Variants in GALNT9 observed in about 807,000 individuals in gnomAD.
The protein encoded by GALNT9 is GalNAc transferase 9.
GALNT9 carries 47 observed loss-of-function variants against 63.1 expected under a neutral mutation model. The ratio of observed to expected loss-of-function variants is 0.75; its 90% confidence interval spans 0.59 to 0.95. The LOEUF (loss-of-function observed/expected upper bound fraction) is 0.95. Ranked by LOEUF, GALNT9 falls within the 40% of genes least tolerant of loss-of-function variation. The probability of loss-of-function intolerance (pLI) is 0.00; values close to 1 mark genes in which losing one functional copy is unlikely to be tolerated. For missense variants in GALNT9, 829 were observed against 874.8 expected (o/e 0.95, Z 0.66); for synonymous variants, 396 against 365.7 (o/e 1.08, Z -0.94).
At chr12:132,271,283 G>C (rs563355402) in intron 2 of GALNT9, among the ~76,000 whole-genome samples, 1 of 152,068 alleles carries the variant, frequency 6.6e-6, no homozygotes, top group Non-Finnish European at 1.5e-5. Context: ...GCTCGAGGGT[G>C]GGGGGAGGAG....
At chr12:132,302,718 A>G (rs1045889831) in intron 1 of GALNT9, among the ~76,000 whole-genome samples, 1 of 152,202 alleles carries the variant, frequency 6.6e-6, no homozygotes, top group Non-Finnish European at 1.5e-5. Context: ...GATCCCCAGG[A>G]AGAGGAGTCG....
chr12:132,199,061 G>A (rs1875779813), intron 9 of GALNT9, 113 bp downstream of exon 9: 2 of 666,644 alleles, frequency 3.0e-6, no homozygotes, highest in Non-Finnish European at 5.2e-6. Context: ...CAGCCCTGGT[G>A]GCCTCAGAAC....
intron 6 of GALNT9, among the ~76,000 whole-genome samples, chr12:132,217,253 C>G (rs1294949048): frequency 1.3e-5 from 2 of 150,204 alleles, no homozygotes; most frequent in African/African-American, 4.9e-5. Flanking sequence ...TCCCACCCAC[C>G]CATCCATCCA....
In GALNT9 at chr12:132,257,684, C is replaced by A. The variant is rs782369805; in HGVS notation, c.959+5G>T. 52 of 1,546,928 alleles carry A rather than the reference C, an allele frequency of 3.4e-5. 1 individual carries two copies. The highest frequency in any genetic ancestry group is 7.9e-5 in the Admixed American group (4 of 50,902). Reference sequence around the variant, plus strand: ...CCGCCCTCGACCCCTGAGGGCGCAGCTCACCTGATGGGTGCTGACTCGTCG... The same window carrying A: ...CCGCCCTCGACCCCTGAGGGCGCAGATCACCTGATGGGTGCTGACTCGTCG... On this transcript the variant is annotated splice_donor_5th_base_variant and intron_variant, in intron 5 of 10. Coordinates refer to ENST00000328957, the MANE Select transcript of GALNT9 (RefSeq NM_001122636.2).
At chr12:132,256,129 T>TTGACTGA (rs1215292241) in intron 5 of GALNT9, among the ~76,000 whole-genome samples, 2 of 152,192 alleles carry the variant, frequency 1.3e-5, no homozygotes, top group African/African-American at 2.4e-5. Flanking sequence ...TTGGCCCATT[T>TTGACTGA]TGACTGATGG....
chr12:132,304,936 GACACGCCCTCACCCAGACACGC>G (rs1881520328), intron 1 of GALNT9, among the ~76,000 whole-genome samples: 1 of 27,532 alleles, frequency 3.6e-5, no homozygotes, highest in Non-Finnish European at 6.5e-5. Flanking sequence ...CCCTCACCCA[GACACGCCCTCACCCAGACACGC>G]CCTCACCCGG....
chr12:132,321,991 G>A (rs1375649757), intron 1 of GALNT9, among the ~76,000 whole-genome samples: 3 of 145,366 alleles, frequency 2.1e-5, no homozygotes, highest in East Asian at 2.1e-4. Flanking sequence ...CCCAAGGGGC[G>A]TCCTCCCCTC....
chr12:132,201,125 T>A lies in GALNT9; in HGVS notation c.1400A>T (p.Glu467Val), dbSNP rs1431529853. The A allele has an allele frequency of 1.2e-6, 2 of 1,612,816 alleles. No individual in the cohort carries two copies. The change falls in exon 8 of 11, where the codon GAG (glutamate) becomes GTG (valine). Residue 467 changes from glutamate (E) to valine (V), a missense_variant and splice_region_variant. Transcript: ENST00000328957. The part of the protein sequence containing the change: ...RVYNNTLTYG[E>V]VRNSKASAYC... ...CGGGGCCCTCGGGGGAGGTGCTACC[T>A]CTCCGTACGTGAGGGTGTTGTTGTA...
At chr12:132,222,819 C>T (rs1877504893) in intron 6 of GALNT9, among the ~76,000 whole-genome samples, 1 of 151,584 alleles carries the variant, frequency 6.6e-6, no homozygotes, top group South Asian at 2.1e-4. Flanking sequence ...CCACACACCA[C>T]ACAACCCACA....
intron 5 of GALNT9, among the ~76,000 whole-genome samples, chr12:132,251,768 AG>A (rs1233330549): frequency 6.6e-6 from 1 of 152,178 alleles, no homozygotes; most frequent in East Asian, 1.9e-4. Context: ...AGTGGTTCTC[AG>A]GTGGGCAGGC....
intron 6 of GALNT9, among the ~76,000 whole-genome samples, chr12:132,214,438 C>T (rs1012361469): frequency 6.6e-6 from 1 of 152,150 alleles, no homozygotes; most frequent in Admixed American, 6.5e-5. Context: ...TAGTGAGCAC[C>T]CCCCCAGCGT....
intron 1 of GALNT9, among the ~76,000 whole-genome samples, chr12:132,324,436 C>A (rs539507043): frequency 2.7e-4 from 41 of 152,114 alleles, no homozygotes; most frequent in Non-Finnish European, 4.4e-4. Flanking sequence ...CTTTGTGCCG[C>A]GCGTGCAAGA....
chr12:132,240,815 C>A, intron 6 of GALNT9: 3 of 420,670 alleles, frequency 7.1e-6, no homozygotes, highest in South Asian at 5.3e-5. Context: ...ACACACCCTT[C>A]CCAAGGCCGT....
intron 4 of GALNT9, among the ~76,000 whole-genome samples, chr12:132,258,599 G>T (rs565424107): frequency 6.6e-6 from 1 of 152,352 alleles, no homozygotes; most frequent in Admixed American, 6.5e-5. Context: ...CTCAGAGGGT[G>T]CGGCAGCTGC....
At chr12:132,259,711 G>T (rs1879291989) in intron 4 of GALNT9, among the ~76,000 whole-genome samples, 1 of 152,224 alleles carries the variant, frequency 6.6e-6, no homozygotes, top group South Asian at 2.1e-4. Flanking sequence ...GTCACATGCA[G>T]TGGGGTGTCC....
chr12:132,318,722 T>G (rs1037502574), intron 1 of GALNT9, among the ~76,000 whole-genome samples: 1 of 152,214 alleles, frequency 6.6e-6, no homozygotes, highest in Admixed American at 6.5e-5. Context: ...GTGGGCCGCC[T>G]GCCCTCCTCT....
At position 132,327,863 on chromosome 12, in the gene GALNT9, C is replaced by T. The variant is rs1466186281; in HGVS notation, c.238+1103G>A. 6.6e-6 allele frequency among the ~76,000 whole-genome samples: 1 copy of T among 151,220 alleles called. No homozygotes were observed. Among genetic ancestry groups the T allele is most frequent in the Non-Finnish European group, 1.5e-5 (1 of 67,820 alleles). ...CCCACCCTCAAGAGAGGGTGTGGCT[C>T]CTGAAGGAAACGCAAGACCACCCCC... On this transcript the variant is annotated intron_variant, in intron 1 of 10. Coordinates refer to ENST00000328957, the MANE Select transcript of GALNT9 (RefSeq NM_001122636.2). The surrounding 1 kb of genome is among the most constrained non-coding windows in gnomAD (Gnocchi z 4.3).
intron 2 of GALNT9, 31 bp from the exon 3 acceptor site, chr12:132,262,656 G>A (rs1555239888): frequency 6.7e-7 from 1 of 1,488,628 alleles, no homozygotes; most frequent in Admixed American, 2.1e-5. Flanking sequence ...GGTGCGGTCA[G>A]GGCGCAGCAT....
intron 2 of GALNT9, among the ~76,000 whole-genome samples, chr12:132,267,221 C>G (rs28564267): frequency 4.7e-5 from 6 of 127,086 alleles, no homozygotes; most frequent in African/African-American, 3.3e-4. Flanking sequence ...GCAGGGGAAC[C>G]AGGGCGGGGA....
Sources: gnomAD v4.1 joint callset for allele counts (sites outside exome capture counted in the v4.1 genomes callset) on GRCh38, gnomAD v4.1.1 for gene constraint, Gnocchi (gnomAD v3.1) non-coding constraint, MANE v1.5 for transcripts, NCBI Gene and HGNC (gene_info 2026-07-23, HGNC 2026-07-21) for gene names.